The following OCM variants were observed in gnomAD, a reference collection of about 807,000 sequenced individuals.
OCM encodes oncomodulin.
OCM carries 18 observed loss-of-function variants against 14.1 expected under a neutral mutation model. The observed-to-expected ratio is 1.28, with a 90% CI of 0.88 to 1.89. OCM has a LOEUF of 1.89. Among genes scored for constraint, OCM ranks in the 40% most tolerant of loss-of-function variants. The pLI is 0.00. For missense variants in OCM, 140 were observed against 137.6 expected (o/e 1.02, Z -0.09); for synonymous variants, 48 against 51.0 (o/e 0.94, Z 0.25).
chr7:5,861,867 C>T, the OCM span, among the ~76,000 whole-genome samples: 2,942 of 152,104 alleles, frequency 0.019, 98 homozygotes, highest in African/African-American at 0.067. Context: ...GCATCAGCCA[C>T]CACACTCGGC....
At chr7:5,874,378 A>ATACAT in the OCM span, among the ~76,000 whole-genome samples, 13 of 152,196 alleles carry the variant, frequency 8.5e-5, no homozygotes, top group East Asian at 1.5e-3. Flanking sequence ...TGATATACAT[A>ATACAT]TACATTACAT....
At chr7:5,876,284 G>A (rs1487556001), upstream of OCM, among the ~76,000 whole-genome samples, 4 of 152,082 alleles carry the variant, frequency 2.6e-5, no homozygotes, top group Non-Finnish European at 2.9e-5. Flanking sequence ...GATTACAGGC[G>A]TGCGCCACTG....
chr7:5,868,148 C>T, the OCM span, among the ~76,000 whole-genome samples: 22 of 151,972 alleles, frequency 1.4e-4, no homozygotes, highest in African/African-American at 4.3e-4. Context: ...GTTTTGTTGT[C>T]GCTATTGTTT....
the OCM span, among the ~76,000 whole-genome samples, chr7:5,867,493 A>AT: frequency 8.7e-5 from 13 of 149,770 alleles, no homozygotes; most frequent in African/African-American, 3.2e-4. Context: ...TCCTCCTCTT[A>AT]TTTTTTCTGG....
At chr7:5,869,937 A>C in the OCM span, among the ~76,000 whole-genome samples, 1 of 152,134 alleles carries the variant, frequency 6.6e-6, no homozygotes, top group Non-Finnish European at 1.5e-5. Context: ...TTGCAAGTGA[A>C]ACTGACAAGC....
chr7:5,864,432 C>G, the OCM span, among the ~76,000 whole-genome samples: 1 of 151,918 alleles, frequency 6.6e-6, no homozygotes, highest in African/African-American at 2.4e-5. Flanking sequence ...TGCCCTCTGT[C>G]TAATGAGTTG....
At position 5,883,884 on chromosome 7, in the gene OCM, C is replaced by T. The variant is rs1013153469; in HGVS notation, c.195-6C>T. 23 of 1,611,774 alleles carry T rather than the reference C, an allele frequency of 1.4e-5. No individual in the cohort carries two copies. The African/African-American group carries it at 1.7e-4, about 12-fold the overall frequency. ...AAAATCCCCATGGATCTTTATTATC[C>T]TGTAGGTTTTTCCTCCAGAAGTTTG... On this transcript the variant is annotated splice_polypyrimidine_tract_variant and splice_region_variant and intron_variant, in intron 2 of 3. Transcript: ENST00000242104.
At chr7:5,878,494 C>T (rs901914759), upstream of OCM, among the ~76,000 whole-genome samples, 2 of 151,718 alleles carry the variant, frequency 1.3e-5, no homozygotes, top group Admixed American at 1.3e-4. Flanking sequence ...CGCCTGTAAT[C>T]CCAGCACTTT....
At chr7:5,878,284 A>G (rs1453324274), upstream of OCM, among the ~76,000 whole-genome samples, 2 of 151,820 alleles carry the variant, frequency 1.3e-5, no homozygotes, top group Non-Finnish European at 1.5e-5. Flanking sequence ...TAGTAGAAGC[A>G]GAAAGTACAA....
At chr7:5,865,371 C>A in the OCM span, among the ~76,000 whole-genome samples, 1 of 152,168 alleles carries the variant, frequency 6.6e-6, no homozygotes, top group East Asian at 1.9e-4. Context: ...ACTAACGATT[C>A]ATAATTGCTC....
chr7:5,884,265 G>A (rs547213588), intron 3 of OCM, among the ~76,000 whole-genome samples: 7 of 152,066 alleles, frequency 4.6e-5, no homozygotes, highest in Non-Finnish European at 8.8e-5. Flanking sequence ...CCTGACTAGG[G>A]GACTAGCTAG....
chr7:5,861,550 C>T, the OCM span, among the ~76,000 whole-genome samples: 4 of 152,010 alleles, frequency 2.6e-5, no homozygotes, highest in Non-Finnish European at 4.4e-5. Flanking sequence ...TGTTGAAGAG[C>T]GGAAGGAGAG....
At chr7:5,868,245 C>G in the OCM span, among the ~76,000 whole-genome samples, 2 of 152,212 alleles carry the variant, frequency 1.3e-5, no homozygotes, top group Admixed American at 1.3e-4. Flanking sequence ...CACCTGGGCT[C>G]AAGCGATTCT....
the OCM span, among the ~76,000 whole-genome samples, chr7:5,867,020 T>C: frequency 6.6e-6 from 1 of 152,222 alleles, no homozygotes. Context: ...GACTATCCTT[T>C]TATTTTTTAT....
chr7:5,879,942 G>C (rs1172993334), upstream of OCM: 1 of 152,032 alleles, frequency 6.6e-6, no homozygotes, highest in Non-Finnish European at 1.5e-5. Context: ...GATTCTTCCT[G>C]GGGGGAAACC....
the OCM span, among the ~76,000 whole-genome samples, chr7:5,861,723 T>TTTTA: frequency 3.9e-5 from 6 of 151,930 alleles, no homozygotes; most frequent in Non-Finnish European, 5.9e-5. Context: ...CTCATTGTGG[T>TTTTA]TTTATTTATT....
chr7:5,882,085 C>CAAAAAAAAAA, intron 1 of OCM, among the ~76,000 whole-genome samples: 1 of 45,970 alleles, frequency 2.2e-5, no homozygotes, highest in Non-Finnish European at 3.6e-5. Context: ...GACTCTGTCT[C>CAAAAAAAAAA]AAAAAAAAAA....
the OCM span, among the ~76,000 whole-genome samples, chr7:5,872,211 A>G: frequency 3.3e-5 from 5 of 152,198 alleles, no homozygotes; most frequent in Admixed American, 6.5e-5. Flanking sequence ...GTCAGCTCTT[A>G]TAGACGGGGT....
Position 5,886,190 on chromosome 7 carries a change from G to C in OCM, c.*101G>C. On this transcript the variant is annotated 3_prime_UTR_variant, in exon 4 of 4. Transcript: ENST00000242104. Reference sequence around the variant, plus strand: ...CCCACATCCCATCCCTACCTAATTTGTTAATTTTCCCTGAAAACCTTCTGC... The same window carrying C: ...CCCACATCCCATCCCTACCTAATTTCTTAATTTTCCCTGAAAACCTTCTGC... 7.5e-6 allele frequency: 10 copies of C among 1,331,846 alleles called. No individual in the cohort carries two copies. Among genetic ancestry groups the C allele is most frequent in the Non-Finnish European group, 1.1e-5 (10 of 944,478 alleles). 82.5% of individuals were successfully genotyped at this position (1,331,846 alleles called of 1,614,324 possible).
Sources: gnomAD v4.1 joint callset for allele counts (sites outside exome capture counted in the v4.1 genomes callset) on GRCh38, gnomAD v4.1.1 for gene constraint, MANE v1.5 for transcripts, NCBI Gene and HGNC (gene_info 2026-07-23, HGNC 2026-07-21) for gene names.